The following TAFA1 variants were observed in gnomAD, a reference collection of about 807,000 sequenced individuals.
TAFA1 encodes chemokine-like protein TAFA-1.
TAFA1 carries 4 observed loss-of-function variants against 18.5 expected under a neutral mutation model. The ratio of observed to expected loss-of-function variants is 0.22; its 90% CI spans 0.11 to 0.49. The LOEUF (loss-of-function observed/expected upper bound fraction) is 0.49. TAFA1 is among the 20% of genes least tolerant of loss of function. The pLI is 0.98. For synonymous variants in TAFA1, 56 were observed against 55.2 expected (o/e 1.01, Z -0.06); for missense variants, 147 against 169.0 (o/e 0.87, Z 0.72).
chr3:68,317,331 T>G (rs181816928), intron 2 of TAFA1, among the ~76,000 whole-genome samples: 90 of 152,308 alleles, frequency 5.9e-4, no homozygotes, highest in South Asian at 5.8e-3. Flanking sequence ...ACAACCAAGT[T>G]GCCACAACCA....
intron 2 of TAFA1, among the ~76,000 whole-genome samples, chr3:68,161,166 A>T (rs1479638991): frequency 6.6e-6 from 1 of 152,212 alleles, no homozygotes; most frequent in South Asian, 2.1e-4. Flanking sequence ...CTCTATCCCA[A>T]GGACATAAAT....
chr3:68,501,586 T>C (rs1024456793), intron 3 of TAFA1, among the ~76,000 whole-genome samples: 2 of 152,158 alleles, frequency 1.3e-5, no homozygotes, highest in African/African-American at 4.8e-5. Context: ...ATACCATGAA[T>C]ATCTAAACAC....
intron 2 of TAFA1, among the ~76,000 whole-genome samples, chr3:68,241,931 T>C (rs2067005781): frequency 1.3e-5 from 2 of 152,208 alleles, no homozygotes. Context: ...TTTTGCAAAT[T>C]ATCTGAATAG....
At chr3:68,267,433 G>A (rs1037860754) in intron 2 of TAFA1, among the ~76,000 whole-genome samples, 10 of 152,116 alleles carry the variant, frequency 6.6e-5, no homozygotes, top group African/African-American at 2.4e-4. Flanking sequence ...AAGTTATATG[G>A]AAAATGAGGT....
At position 68,171,203 on chromosome 3, in the gene TAFA1, A is replaced by C. The variant is rs557377333; in HGVS notation, c.118+164459A>C. ...TGTGGAAGAGGGAGGTAAAAGAGTT[A>C]GTGTTGGAGTGATACAATGTGAGGA... On this transcript the variant is annotated intron_variant, in intron 2 of 4. Transcript: ENST00000478136. Among the ~76,000 whole-genome samples the C allele has an allele frequency of 2.6e-5, 4 of 152,288 alleles. No individual in the cohort carries two copies. In the South Asian group the frequency reaches 8.3e-4, roughly 32 times the overall value.
rs10713944 is a variant in TAFA1, at chr3:68,281,467, CTTTTT to C, written c.119-135797_119-135793del. On this transcript the variant is annotated intron_variant, in intron 2 of 4. Coordinates refer to ENST00000478136, the MANE Select transcript of TAFA1 (RefSeq NM_213609.4). ...GCTGGGCACCAGTTTCCACATTAAC[CTTTTT>C]TTTTTTTTTTTTTTTGAGATGGAGT... Among the ~76,000 whole-genome samples the C allele has an allele frequency of 4.5e-5, 5 of 111,730 alleles. No individual in the cohort carries two copies. In the South Asian group the frequency reaches 8.8e-4, roughly 20 times the overall value. The allele number at this position is 111,730 out of a possible 152,430, so 73.3% of individuals were successfully genotyped here. A position where few individuals can be genotyped will look rare whatever the true frequency, so the allele number is the denominator to read the frequency against.
chr3:68,087,078 A>G (rs2106788936), intron 2 of TAFA1, among the ~76,000 whole-genome samples: 1 of 152,284 alleles, frequency 6.6e-6, no homozygotes, highest in Middle Eastern at 3.4e-3. Context: ...ACTATGAAAT[A>G]TTTATGCATT....
intron 2 of TAFA1, among the ~76,000 whole-genome samples, chr3:68,059,744 T>C (rs766061630): frequency 3.9e-5 from 6 of 152,190 alleles, no homozygotes; most frequent in Non-Finnish European, 5.9e-5. Context: ...CCTAGCTAAA[T>C]GAATTAAAGA....
chr3:68,487,234 G>C (rs947970350), intron 3 of TAFA1, among the ~76,000 whole-genome samples: 1 of 152,046 alleles, frequency 6.6e-6, no homozygotes. Flanking sequence ...AGCAAAATTC[G>C]GATGGTTCTA....
intron 3 of TAFA1, among the ~76,000 whole-genome samples, chr3:68,496,831 G>A (rs2072558590): frequency 6.6e-6 from 1 of 152,068 alleles, no homozygotes; most frequent in African/African-American, 2.4e-5. Context: ...ATATCATGGG[G>A]TGGTCCTTAG....
chr3:68,179,957 T>C (rs946920618), intron 2 of TAFA1, among the ~76,000 whole-genome samples: 2 of 151,408 alleles, frequency 1.3e-5, no homozygotes, highest in Non-Finnish European at 2.9e-5. Flanking sequence ...AATCAGCTAG[T>C]GTACACCAAA....
chr3:68,245,098 A>G (rs2067051341), intron 2 of TAFA1, among the ~76,000 whole-genome samples: 1 of 152,196 alleles, frequency 6.6e-6, no homozygotes, highest in Non-Finnish European at 1.5e-5. Context: ...CGTTTTTTCT[A>G]TCTCAAGAAC....
At chr3:68,231,357 T>A (rs1167957737) in intron 2 of TAFA1, among the ~76,000 whole-genome samples, 2 of 136,268 alleles carry the variant, frequency 1.5e-5, no homozygotes, top group African/African-American at 5.5e-5. Context: ...TTTTTTTTTT[T>A]TTTTTTTTTT....
intron 3 of TAFA1, among the ~76,000 whole-genome samples, chr3:68,520,030 C>A (rs1274787168): frequency 6.6e-6 from 1 of 152,074 alleles, no homozygotes; most frequent in Admixed American, 6.6e-5. Flanking sequence ...ATCGTATGAC[C>A]AACAAAATCC....
chr3:68,057,691 T>G (rs745616115), intron 2 of TAFA1, among the ~76,000 whole-genome samples: 19 of 152,186 alleles, frequency 1.2e-4, no homozygotes, highest in Non-Finnish European at 5.9e-5. Context: ...ATGGGAAGAT[T>G]ATCCTGGACT....
chr3:68,128,357 C>T (rs556696208), intron 2 of TAFA1, among the ~76,000 whole-genome samples: 1 of 152,284 alleles, frequency 6.6e-6, no homozygotes, highest in East Asian at 1.9e-4. Context: ...AAATTGTTCA[C>T]AGATCCTGAG....
chr3:68,417,603 T>C, intron 3 of TAFA1, 183 bp downstream of exon 3: 1 of 610,694 alleles, frequency 1.6e-6, no homozygotes, highest in Non-Finnish European at 2.8e-6. Flanking sequence ...ATTATTTGAA[T>C]GTTTTTTCCC....
chr3:68,484,983 C>T (rs1473657492), intron 3 of TAFA1, among the ~76,000 whole-genome samples: 1 of 152,114 alleles, frequency 6.6e-6, no homozygotes, highest in Admixed American at 6.5e-5. Context: ...TTAACCCATC[C>T]TTTGATTACC....
intron 2 of TAFA1, among the ~76,000 whole-genome samples, chr3:68,148,326 C>T (rs1021655799): frequency 2.6e-5 from 4 of 152,170 alleles, no homozygotes; most frequent in Non-Finnish European, 5.9e-5. Flanking sequence ...TATTTAACCT[C>T]CTTCTCTCAT....
Sources: allele counts gnomAD v4.1 joint callset (sites outside exome capture counted in the v4.1 genomes callset), GRCh38; gene constraint gnomAD v4.1.1; transcripts MANE v1.5; gene names NCBI Gene and HGNC (gene_info 2026-07-23, HGNC 2026-07-21).